ZBTB41: variants seen among roughly 807,000 people sequenced by gnomAD.
ZBTB41 encodes zinc finger and BTB domain-containing protein 41.
Under a neutral mutation model 87.6 loss-of-function variants are expected in ZBTB41, and 42 were observed. That is an observed-to-expected ratio of 0.48 (90% CI 0.37 to 0.62). The LOEUF is 0.62. Ranked by LOEUF, ZBTB41 falls within the 20% of genes least tolerant of loss-of-function variation. The probability of loss-of-function intolerance (pLI) is 0.00; values close to 1 mark genes in which losing one functional copy is unlikely to be tolerated. For synonymous variants in ZBTB41, 364 were observed against 364.0 expected (o/e 1.00, Z 0.00); for missense variants, 799 against 1,078.9 (o/e 0.74, Z 3.63).
intron 7 of ZBTB41, among the ~76,000 whole-genome samples, chr1:197,177,717 A>C (rs371403491): frequency 7.9e-5 from 12 of 152,190 alleles, no homozygotes; most frequent in East Asian, 1.9e-4. Flanking sequence ...CTCTCTCTCT[A>C]TATATATTCT....
intron 10 of ZBTB41, among the ~76,000 whole-genome samples, chr1:197,167,102 A>G (rs960843449): frequency 3.3e-5 from 5 of 152,248 alleles, no homozygotes; most frequent in Non-Finnish European, 7.3e-5. Flanking sequence ...AACCAAAAAA[A>G]TGTACAAAAT....
chr1:197,175,172 C>T, intron 8 of ZBTB41, 57 bp from the exon 9 acceptor site: 1 of 1,408,922 alleles, frequency 7.1e-7, no homozygotes, highest in Non-Finnish European at 9.8e-7. Flanking sequence ...TTTTTATCCC[C>T]AGAAACAAAC....
chr1:197,163,878 GA>G (rs1180263282), intron 10 of ZBTB41, among the ~76,000 whole-genome samples: 1 of 151,466 alleles, frequency 6.6e-6, no homozygotes, highest in East Asian at 1.9e-4. Flanking sequence ...TCTACAGTCA[GA>G]AAAAAAATTA....
chr1:197,180,617 GA>G (rs1314708066), intron 6 of ZBTB41, among the ~76,000 whole-genome samples: 1 of 148,072 alleles, frequency 6.8e-6, no homozygotes, highest in Non-Finnish European at 1.5e-5. Context: ...TTATCTTTGG[GA>G]TTCTTGTTTT....
chr1:197,199,461 C>T lies in ZBTB41; in HGVS notation c.1013G>A (p.Gly338Asp). Residue 338 changes from glycine to aspartate, a missense_variant, in exon 2 of 11, where the codon GGT (glycine) becomes GAT (aspartate). Gly to Asp is a moderately conservative substitution (Grantham distance 94). Around this residue, in one of 5 missense-constraint regions of ZBTB41, gnomAD observed 294 missense variants for 340.1 expected, o/e 0.86. Coordinates refer to ENST00000367405, the MANE Select transcript of ZBTB41 (RefSeq NM_194314.3). ...CTCATGAACATTTCCTACAGAATCA[C>T]CAGCCTCAGGTTCTTCTTCTGCATC... ...HNDAEEEPEAGDSVGNVHEGL... is the reference protein window; with the variant it reads ...HNDAEEEPEADDSVGNVHEGL... 1.2e-6 allele frequency: 2 copies of T among 1,613,054 alleles called. No individual in the cohort carries two copies. Among genetic ancestry groups the T allele is most frequent in the Non-Finnish European group, 1.7e-6 (2 of 1,179,712 alleles).
Position 197,159,356 on chromosome 1 carries a change from T to A in ZBTB41, c.*3A>T. The A allele has an allele frequency of 6.2e-7, 1 of 1,612,792 alleles. No individual in the cohort carries two copies. Among genetic ancestry groups the A allele is most frequent in the Non-Finnish European group, 8.5e-7 (1 of 1,179,068 alleles). On this transcript the variant is annotated 3_prime_UTR_variant, in exon 11 of 11. Transcript: ENST00000367405. ...CAAAAATCTGTGGAATGTTTAGATT[T>A]ACTCATGAATGATGCTCATTCGTAG...
At chr1:197,180,928 G>A in intron 6 of ZBTB41, 60 bp downstream of exon 6, 1 of 1,509,106 alleles carries the variant, frequency 6.6e-7, no homozygotes, top group South Asian at 1.3e-5. Flanking sequence ...AAATCATATT[G>A]ATTGATTATT....
At chr1:197,189,205 T>C (rs976949716) in intron 4 of ZBTB41, among the ~76,000 whole-genome samples, 1 of 151,942 alleles carries the variant, frequency 6.6e-6, no homozygotes, top group Non-Finnish European at 1.5e-5. Context: ...AAGGCAAAAA[T>C]AACAGCTAGG....
At chr1:197,183,434 C>G (rs1000014055) in intron 5 of ZBTB41, among the ~76,000 whole-genome samples, 1 of 152,156 alleles carries the variant, frequency 6.6e-6, no homozygotes, top group Non-Finnish European at 1.5e-5. Flanking sequence ...GCTAGAAAGT[C>G]TTCTACTTCC....
Position 197,159,585 on chromosome 1 carries a change from G to A in ZBTB41, c.2504C>T (p.Ser835Phe), listed in dbSNP as rs773908505. Reference protein sequence around the residue: ...VRHTTTLPPSSHEILSPQPQS... With the variant: ...VRHTTTLPPSFHEILSPQPQS... ...TGGCTGTGGTGACAGAATCTCATGAGAAGATGGTGGGAGTGTGGTAGTATG... is the reference window on the plus strand; with the variant it reads ...TGGCTGTGGTGACAGAATCTCATGAAAAGATGGTGGGAGTGTGGTAGTATG... The change falls in exon 11 of 11, where the codon TCT becomes TTT. Residue 835 changes from serine to phenylalanine, a missense_variant. Physicochemically the swap from Ser to Phe is radical, Grantham distance 155. This residue lies in a region of ZBTB41 where 171 missense variants were observed against 191.9 expected (regional missense o/e 0.89). Coordinates refer to ENST00000367405, the MANE Select transcript of ZBTB41 (RefSeq NM_194314.3). 1.1e-5 allele frequency: 18 copies of A among 1,613,966 alleles called. No homozygotes were observed. Among genetic ancestry groups the A allele is most frequent in the Non-Finnish European group, 1.4e-5 (17 of 1,179,892 alleles).
At position 197,159,344 on chromosome 1, in the gene ZBTB41, A is replaced by T. The variant is rs1557972953; in HGVS notation, c.*15T>A. 1 of 1,610,612 alleles carries T rather than the reference A, an allele frequency of 6.2e-7. No homozygotes were observed. The highest frequency in any genetic ancestry group is 1.3e-5 in the African/African-American group (1 of 74,778). ...CATATAACCATCCAAAAATCTGTGG[A>T]ATGTTTAGATTTACTCATGAATGAT... On this transcript the variant is annotated 3_prime_UTR_variant, in exon 11 of 11. Transcript: ENST00000367405.
intron 4 of ZBTB41, among the ~76,000 whole-genome samples, chr1:197,190,247 C>A (rs1309927850): frequency 6.6e-6 from 1 of 151,994 alleles, no homozygotes; most frequent in Non-Finnish European, 1.5e-5. Flanking sequence ...GGAAGTGTTC[C>A]CAGACCAGAC....
intron 10 of ZBTB41, among the ~76,000 whole-genome samples, chr1:197,167,568 T>G (rs1429669943): frequency 6.6e-6 from 1 of 152,148 alleles, no homozygotes; most frequent in Non-Finnish European, 1.5e-5. Flanking sequence ...ATTAGCAAGA[T>G]ACTATATCAA....
At position 197,191,706 on chromosome 1, in the gene ZBTB41, G is replaced by C. The variant is rs200681764; in HGVS notation, c.1314C>G (p.Ala438=). 26 of 1,612,070 alleles carry C rather than the reference G, an allele frequency of 1.6e-5. No homozygotes were observed. The East Asian group carries it at 5.8e-4, about 36-fold the overall frequency. The change falls in exon 3 of 11, where the codon GCC becomes GCG. Residue 438 remains alanine (A), a synonymous_variant. Coordinates refer to ENST00000367405, the MANE Select transcript of ZBTB41 (RefSeq NM_194314.3). ...NKLHASKKTL[A]KHVKRFHPEN... ...ATAATACTTGCCTCTTAACATGCTT[G>C]GCTAAAGTCTTCTTGCTTGCATGAA... is the stretch of plus-strand genomic sequence containing the variant.
rs1257711478 is a variant in ZBTB41, at chr1:197,157,218, A to G, written c.*2141T>C. On this transcript the variant is annotated 3_prime_UTR_variant, in exon 11 of 11. Coordinates refer to ENST00000367405, the MANE Select transcript of ZBTB41 (RefSeq NM_194314.3). ...CGGACATTATTATTAAAAGAACCCT[A>G]AAGTAAATACCTTCAAAAATCAAAG... 1 of 152,138 alleles carries G rather than the reference A, an allele frequency of 6.6e-6. No homozygotes were observed. The highest frequency in any genetic ancestry group is 2.4e-5 in the African/African-American group (1 of 41,406). The allele number at this position is 152,138 out of a possible 1,614,324, so 9.4% of individuals were successfully genotyped here. A position where few individuals can be genotyped will look rare whatever the true frequency, so the allele number is the denominator to read the frequency against.
At chr1:197,165,330 C>G (rs958154519) in intron 10 of ZBTB41, among the ~76,000 whole-genome samples, 1 of 151,922 alleles carries the variant, frequency 6.6e-6, no homozygotes, top group Non-Finnish European at 1.5e-5. Context: ...AGGTACGGAG[C>G]CAGGCATGGT....
chr1:197,169,139 G>A (rs1334592636), intron 10 of ZBTB41, among the ~76,000 whole-genome samples: 1 of 151,974 alleles, frequency 6.6e-6, no homozygotes, highest in Non-Finnish European at 1.5e-5. Context: ...GGTGTAAACT[G>A]ACACAATTAC....
Position 197,200,132 on chromosome 1 carries a change from A to G in ZBTB41, c.342T>C (p.His114=). 2 of 1,614,004 alleles carry G rather than the reference A, an allele frequency of 1.2e-6. No homozygotes were observed. Among genetic ancestry groups the G allele is most frequent in the Non-Finnish European group, 1.7e-6 (2 of 1,180,042 alleles). ...TGCTTGGATTTTTGCTCAAACACGC[A>G]TGAAAATAACTACTGCCGACAGCAA... is the stretch of plus-strand genomic sequence containing the variant. ...VVVAVGSSYF[H]ACLSKNPSTD... The change falls in exon 2 of 11, where the codon CAT becomes CAC. Residue 114 remains histidine, a synonymous_variant. Coordinates refer to ENST00000367405, the MANE Select transcript of ZBTB41 (RefSeq NM_194314.3).
At chr1:197,194,822 G>A (rs2125141068) in intron 2 of ZBTB41, among the ~76,000 whole-genome samples, 1 of 152,198 alleles carries the variant, frequency 6.6e-6, no homozygotes, top group Non-Finnish European at 1.5e-5. Flanking sequence ...GGCTTTGCAT[G>A]GCCTGTTATC....
Sources: allele counts gnomAD v4.1 joint callset (sites outside exome capture counted in the v4.1 genomes callset), GRCh38; gene constraint gnomAD v4.1.1; regional missense constraint gnomAD v4.1.1; transcripts MANE v1.5; gene names NCBI Gene and HGNC (gene_info 2026-07-23, HGNC 2026-07-21).